Variants in GHR observed in about 807,000 individuals in gnomAD.
GHR encodes the protein GH receptor.
Under a neutral mutation model 67.1 loss-of-function variants are expected in GHR, and 35 were observed. That is an observed-to-expected ratio of 0.52 (90% CI 0.40 to 0.69). The LOEUF (loss-of-function observed/expected upper bound fraction) is 0.69, where lower values mean the gene tolerates loss of function less well. GHR is among the 30% of genes least tolerant of loss of function. GHR has a pLI of 0.00. For synonymous variants in GHR, 272 were observed against 269.1 expected (o/e 1.01, Z -0.10); for missense variants, 792 against 764.6 (o/e 1.04, Z -0.42).
chr5:42,520,517 G>A (rs922872316), intron 1 of GHR, among the ~76,000 whole-genome samples: 1 of 152,100 alleles, frequency 6.6e-6, no homozygotes, highest in African/African-American at 2.4e-5. Context: ...TGAGAAGCTG[G>A]CCAAATTTCT....
chr5:42,532,173 TC>T (rs1238053473), intron 1 of GHR, among the ~76,000 whole-genome samples: 1 of 152,114 alleles, frequency 6.6e-6, no homozygotes, highest in African/African-American at 2.4e-5. Flanking sequence ...CTCTTCCTGA[TC>T]ATATAACAAT....
intron 9 of GHR, 113 bp from the exon 10 acceptor site, chr5:42,718,340 T>G: frequency 1.2e-6 from 1 of 831,406 alleles, no homozygotes; most frequent in Non-Finnish European, 2.0e-6. Context: ...TTTATATGTT[T>G]TGTTACTGTT....
chr5:42,429,279 G>A (rs971977990), intron 1 of GHR, among the ~76,000 whole-genome samples: 40 of 152,098 alleles, frequency 2.6e-4, no homozygotes, highest in East Asian at 5.8e-4. Flanking sequence ...AATCACTATC[G>A]CAAGAACAGC....
chr5:42,639,880 G>A (rs1754380599), intron 3 of GHR, among the ~76,000 whole-genome samples: 1 of 152,138 alleles, frequency 6.6e-6, no homozygotes, highest in East Asian at 1.9e-4. Context: ...AAAAGTAGAA[G>A]CTTAAATAAT....
In GHR at chr5:42,429,393, A is replaced by G. The variant is rs903420702; in HGVS notation, c.-12+5438A>G. Among the ~76,000 whole-genome samples, 14 of 152,196 alleles carry G rather than the reference A, an allele frequency of 9.2e-5. 1 individual carries two copies. Among genetic ancestry groups the G allele is most frequent in the African/African-American group, 2.4e-5 (1 of 41,446 alleles). ...AATTCAAGATGAAATTGGGGTGGGG[A>G]CACAGCAAAACCATATTACTGACTG... On this transcript the variant is annotated intron_variant, in intron 1 of 9. Coordinates refer to ENST00000230882, the MANE Select transcript of GHR (RefSeq NM_000163.5).
At chr5:42,710,525 T>G (rs1463924649) in intron 6 of GHR, among the ~76,000 whole-genome samples, 1 of 152,008 alleles carries the variant, frequency 6.6e-6, no homozygotes, top group Non-Finnish European at 1.5e-5. Context: ...TAAAGGAATA[T>G]CCTGACCTTA....
chr5:42,557,107 A>G (rs1261102239), intron 1 of GHR, among the ~76,000 whole-genome samples: 1 of 152,222 alleles, frequency 6.6e-6, no homozygotes, highest in East Asian at 1.9e-4. Flanking sequence ...AACTTTCTTA[A>G]AGTAGACGAG....
intron 1 of GHR, chr5:42,550,145 G>A (rs925138103): frequency 3.4e-6 from 3 of 890,540 alleles, no homozygotes; most frequent in Non-Finnish European, 4.0e-6. Flanking sequence ...TACTTGAAGT[G>A]CTTCTTGAAA....
intron 4 of GHR, among the ~76,000 whole-genome samples, chr5:42,691,550 A>G (rs756055956): frequency 6.6e-6 from 1 of 152,222 alleles, no homozygotes; most frequent in Non-Finnish European, 1.5e-5. Context: ...TCCTGAAACT[A>G]TAGAAACATG....
At chr5:42,543,368 A>G (rs1024466498) in intron 1 of GHR, among the ~76,000 whole-genome samples, 1 of 152,076 alleles carries the variant, frequency 6.6e-6, no homozygotes, top group African/African-American at 2.4e-5. Context: ...AAGGTGGCAT[A>G]TCATTATGGT....
In GHR at chr5:42,476,300, A is replaced by T. The variant is rs183463269; in HGVS notation, c.-12+52345A>T. Reference sequence around the variant, plus strand: ...CAGTGGCACAATCTCGGCTCACTGCAACCTCCGCTCCCAGGTTCAAGTGAT... The same window carrying T: ...CAGTGGCACAATCTCGGCTCACTGCTACCTCCGCTCCCAGGTTCAAGTGAT... On this transcript the variant is annotated intron_variant, in intron 1 of 9. Transcript: ENST00000230882. Among the ~76,000 whole-genome samples, 1,071 of 151,450 alleles carry T rather than the reference A, an allele frequency of 7.1e-3. 5 individuals carry two copies. The highest frequency in any genetic ancestry group is 0.017 in the Middle Eastern group (5 of 290).
chr5:42,486,590 G>T (rs1396324579), intron 1 of GHR, among the ~76,000 whole-genome samples: 1 of 152,226 alleles, frequency 6.6e-6, no homozygotes, highest in Non-Finnish European at 1.5e-5. Context: ...GCTTACGCCT[G>T]TAATCCCAGC....
intron 3 of GHR, among the ~76,000 whole-genome samples, chr5:42,659,818 A>G (rs6451629): frequency 0.83 from 126,062 of 152,104 alleles, 52,503 homozygotes; most frequent in East Asian, 1. Flanking sequence ...TGCCTCACTC[A>G]GGAAGCGCAA....
At chr5:42,704,074 G>A (rs1758059316) in intron 6 of GHR, among the ~76,000 whole-genome samples, 1 of 151,684 alleles carries the variant, frequency 6.6e-6, no homozygotes, top group Non-Finnish European at 1.5e-5. Context: ...ATTTTGAATC[G>A]AGTAGAATAG....
chr5:42,545,530 A>G (rs1748698762), intron 1 of GHR, among the ~76,000 whole-genome samples: 1 of 152,204 alleles, frequency 6.6e-6, no homozygotes, highest in Non-Finnish European at 1.5e-5. Context: ...TCAGAAAAAA[A>G]TATCAAAATT....
intron 6 of GHR, among the ~76,000 whole-genome samples, chr5:42,703,745 C>A (rs1056818269): frequency 2.0e-5 from 3 of 151,758 alleles, no homozygotes; most frequent in Non-Finnish European, 4.4e-5. Flanking sequence ...GTGTTCAGAT[C>A]TTTCACCTTT....
At chr5:42,510,749 C>T (rs1301332586) in intron 1 of GHR, among the ~76,000 whole-genome samples, 1 of 152,192 alleles carries the variant, frequency 6.6e-6, no homozygotes, top group Non-Finnish European at 1.5e-5. Flanking sequence ...GAATGGAGCT[C>T]TGAGCCAGAG....
At chr5:42,488,549 C>G (rs965029367) in intron 1 of GHR, among the ~76,000 whole-genome samples, 3 of 152,132 alleles carry the variant, frequency 2.0e-5, no homozygotes, top group African/African-American at 7.2e-5. Flanking sequence ...TGTGACATCT[C>G]AATTTTTTTT....
intron 1 of GHR, among the ~76,000 whole-genome samples, chr5:42,493,569 A>G (rs543401948): frequency 9.4e-4 from 143 of 152,312 alleles, no homozygotes; most frequent in African/African-American, 3.3e-3. Flanking sequence ...TGGGTCATGC[A>G]TTATCTATAC....
Sources: allele counts gnomAD v4.1 joint callset (sites outside exome capture counted in the v4.1 genomes callset), GRCh38; gene constraint gnomAD v4.1.1; transcripts MANE v1.5; gene names NCBI Gene and HGNC (gene_info 2026-07-23, HGNC 2026-07-21).